Variants in IFT88 observed in about 807,000 individuals in gnomAD.
IFT88 encodes the protein intraflagellar transport 88, also known as intraflagellar transport protein 88 homolog.
IFT88 carries 74 observed loss-of-function variants against 119.5 expected under a neutral mutation model. That is an observed-to-expected ratio of 0.62 (90% CI 0.51 to 0.75). IFT88 has a LOEUF of 0.75. Ranked by LOEUF, IFT88 falls within the 30% of genes least tolerant of loss-of-function variation. IFT88 has a pLI of 0.00. For missense variants in IFT88, 961 were observed against 977.7 expected, an observed-to-expected ratio of 0.98 and a Z score of 0.23; for synonymous variants, 279 against 316.7, an observed-to-expected ratio of 0.88 and a Z score of 1.26.
intron 16 of IFT88, among the ~76,000 whole-genome samples, chr13:20,637,855 G>T (rs778720069): frequency 9.9e-5 from 15 of 152,186 alleles, no homozygotes; most frequent in Admixed American, 2.6e-4. Flanking sequence ...GAACAGAGAG[G>T]TTCCTGTAGC....
chr13:20,637,455 A>G (rs925615649), intron 16 of IFT88, among the ~76,000 whole-genome samples: 1 of 152,180 alleles, frequency 6.6e-6, no homozygotes, highest in Non-Finnish European at 1.5e-5. Flanking sequence ...GAGTGGCCAC[A>G]CATATCTAGC....
intron 1 of IFT88, among the ~76,000 whole-genome samples, chr13:20,568,491 G>A (rs73163279): frequency 0.08 from 12,218 of 152,184 alleles, 590 homozygotes; most frequent in African/African-American, 0.1. Context: ...TAGCAGAAAG[G>A]ATTTCTCATT....
chr13:20,615,999 G>A, intron 14 of IFT88, 120 bp downstream of exon 14: 1 of 514,794 alleles, frequency 1.9e-6, no homozygotes, highest in South Asian at 3.3e-5. Context: ...TATTTATCAA[G>A]CAGATAATAT....
At chr13:20,612,652 G>A (rs2044765356) in intron 13 of IFT88, among the ~76,000 whole-genome samples, 1 of 152,120 alleles carries the variant, frequency 6.6e-6, no homozygotes, top group Non-Finnish European at 1.5e-5. Flanking sequence ...AACTCATATG[G>A]AAATGGAAGG....
chr13:20,586,464 A>G (rs1186287644), intron 3 of IFT88, among the ~76,000 whole-genome samples: 1 of 152,190 alleles, frequency 6.6e-6, no homozygotes, highest in Non-Finnish European at 1.5e-5. Context: ...CTAGTTGGGA[A>G]AGTCAGAAGA....
chr13:20,591,728 C>A, intron 6 of IFT88, 47 bp downstream of exon 6: 2 of 1,234,300 alleles, frequency 1.6e-6, no homozygotes, highest in Non-Finnish European at 2.3e-6. Flanking sequence ...ATCTTTTAAT[C>A]TTTTATCATT....
chr13:20,653,779 C>G lies in IFT88; in HGVS notation c.1950-97C>G. On this transcript the variant is annotated intron_variant, in intron 20 of 25. Transcript: ENST00000351808. ...TAATAAAAATTATCTAACAAAAGGT[C>G]AAAAAGTAATTGTAAAATAGTAGAT... The G allele has an allele frequency of 5.1e-6, 3 of 584,070 alleles. No homozygotes were observed. In the South Asian group the frequency reaches 1.0e-4, roughly 20 times the overall value. 36.2% of individuals were successfully genotyped at this position (584,070 alleles called of 1,614,324 possible). A position where few individuals can be genotyped will look rare whatever the true frequency, so the allele number is the denominator to read the frequency against.
intron 20 of IFT88, among the ~76,000 whole-genome samples, chr13:20,652,270 A>T (rs1423653406): frequency 6.6e-6 from 1 of 152,218 alleles, no homozygotes; most frequent in East Asian, 1.9e-4. Flanking sequence ...CACTAAAACC[A>T]TTGTATTGTG....
intron 9 of IFT88, among the ~76,000 whole-genome samples, chr13:20,597,745 CAA>C (rs1174154005): frequency 7.1e-6 from 1 of 140,854 alleles, no homozygotes; most frequent in African/African-American, 2.6e-5. Context: ...GACTCCGTCT[CAA>C]AAAAAAAATA....
chr13:20,664,591 A>T (rs1164762191), intron 23 of IFT88, among the ~76,000 whole-genome samples: 1 of 152,156 alleles, frequency 6.6e-6, no homozygotes, highest in Non-Finnish European at 1.5e-5. Context: ...TTTCTGCTTC[A>T]CTGAACATGA....
At chr13:20,639,586 T>C (rs2049541293) in intron 17 of IFT88, among the ~76,000 whole-genome samples, 1 of 152,160 alleles carries the variant, frequency 6.6e-6, no homozygotes, top group Non-Finnish European at 1.5e-5. Context: ...AGGGAGGCTA[T>C]GACCACTTGG....
Position 20,614,817 on chromosome 13 carries a change from C to CTTTTTTTTTTTTT in IFT88, c.1113-972_1113-960dup, listed in dbSNP as rs762297940. Among the ~76,000 whole-genome samples the CTTTTTTTTTTTTT allele has an allele frequency of 1.6e-3, 202 of 125,830 alleles. 6 individuals are homozygous for CTTTTTTTTTTTTT. Among genetic ancestry groups the CTTTTTTTTTTTTT allele is most frequent in the Non-Finnish European group, 2.6e-3 (153 of 59,738 alleles). The allele number at this position is 125,830 out of a possible 152,430, so 82.5% of individuals were successfully genotyped here. A position where few individuals can be genotyped will look rare whatever the true frequency, so the allele number is the denominator to read the frequency against. On this transcript the variant is annotated intron_variant, in intron 13 of 25. Transcript: ENST00000351808. The stretch of plus-strand genomic sequence containing the variant: ...ATGATTTGGAAAGATTATTTCTTTT[C>CTTTTTTTTTTTTT]TTTTTTTTTTTTTTTTGAGACGGAG...
intron 24 of IFT88, among the ~76,000 whole-genome samples, chr13:20,682,997 C>A (rs555500616): frequency 1.6e-4 from 25 of 152,330 alleles, no homozygotes; most frequent in African/African-American, 5.8e-4. Context: ...AGAAGGCAAT[C>A]CTGGCTGCAG....
At chr13:20,597,473 C>A (rs55738439) in intron 9 of IFT88, among the ~76,000 whole-genome samples, 128 of 151,882 alleles carry the variant, frequency 8.4e-4, no homozygotes, top group Middle Eastern at 3.4e-3. Flanking sequence ...AGCCGGGTGC[C>A]GTGGCTCACG....
chr13:20,611,863 C>T (rs1042436914), intron 13 of IFT88, among the ~76,000 whole-genome samples: 1 of 152,122 alleles, frequency 6.6e-6, no homozygotes, highest in African/African-American at 2.4e-5. Flanking sequence ...ACCTTGGCCT[C>T]CCAAATTGCT....
intron 13 of IFT88, among the ~76,000 whole-genome samples, chr13:20,609,442 C>T (rs541725612): frequency 6.6e-6 from 1 of 152,244 alleles, no homozygotes; most frequent in South Asian, 2.1e-4. Context: ...TTTGGTTTGC[C>T]AAATCAGATT....
At chr13:20,656,289 A>C in intron 21 of IFT88, 76 bp from the exon 22 acceptor site, 1 of 548,794 alleles carries the variant, frequency 1.8e-6, no homozygotes, top group East Asian at 3.2e-5. Flanking sequence ...CCAGTATATC[A>C]GTTAAAATTA....
chr13:20,687,395 G>C (rs2058052600), intron 24 of IFT88, among the ~76,000 whole-genome samples: 1 of 138,994 alleles, frequency 7.2e-6, no homozygotes, highest in Non-Finnish European at 1.5e-5. Flanking sequence ...ATAAGGCCCA[G>C]GTGCCACACT....
rs73431345 is a variant in IFT88, at chr13:20,591,668, A to G, written c.315A>G (p.Lys105=). 6,429 of 1,611,534 alleles carry G rather than the reference A, an allele frequency of 4.0e-3. 194 individuals are homozygous for G. The African/African-American group carries it at 0.073, about 18-fold the overall frequency. ...MTAVRAAGFT[K]AALRGSAFDP... ...CAGTGAGAGCAGCTGGTTTTACCAA[A>G]GCAGCTTTGAGAGGTTTGTTACACT... Residue 105 remains lysine (K), a synonymous_variant, in exon 6 of 26, where the codon AAA becomes AAG. Transcript: ENST00000351808.
Sources: gnomAD v4.1 joint callset for allele counts (sites outside exome capture counted in the v4.1 genomes callset) on GRCh38, gnomAD v4.1.1 for gene constraint, MANE v1.5 for transcripts, NCBI Gene and HGNC (gene_info 2026-07-23, HGNC 2026-07-21) for gene names.